Variants in FANCC observed in about 807,000 individuals in gnomAD.
FANCC encodes FA complementation group C.
In FANCC, 55 loss-of-function variants were observed where a neutral mutation model predicts 71.3. That is an observed-to-expected ratio of 0.77 (90% CI 0.62 to 0.97). The LOEUF is 0.97. Among genes scored for constraint, FANCC ranks in the 50% least tolerant of loss-of-function variants. FANCC has a pLI of 0.00. For missense variants in FANCC, 678 were observed against 670.9 expected (o/e 1.01, Z -0.12); for synonymous variants, 275 against 244.9 (o/e 1.12, Z -1.15).
chr9:95,317,352 G>T (rs1490044621), intron 1 of FANCC, 174 bp downstream of exon 1: 1 of 144,142 alleles, frequency 6.9e-6, no homozygotes, highest in Non-Finnish European at 1.5e-5. Flanking sequence ...CTTAGCCACA[G>T]CCCTGCGCCG....
At chr9:95,163,038 T>C (rs747884304) in intron 6 of FANCC, among the ~76,000 whole-genome samples, 3 of 152,226 alleles carry the variant, frequency 2.0e-5, no homozygotes, top group Admixed American at 2.0e-4. Flanking sequence ...CGAAGTCCAA[T>C]GCCATGACAC....
chr9:95,292,433 C>A, intron 1 of FANCC: 8 of 1,130,458 alleles, frequency 7.1e-6, no homozygotes, highest in Non-Finnish European at 8.7e-6. Context: ...CCTCCGCCGC[C>A]GCCTCGGGCC....
intron 1 of FANCC, among the ~76,000 whole-genome samples, chr9:95,280,238 T>C (rs543182718): frequency 6.6e-6 from 1 of 152,176 alleles, no homozygotes; most frequent in South Asian, 2.1e-4. Context: ...CAGGAAGATA[T>C]AACCATTATA....
chr9:95,099,771 G>T lies in FANCC; in HGVS notation c.*1936C>A, dbSNP rs1472711606. Reference sequence around the variant, plus strand: ...ACCGCACCCGTGAGAGGACTCGGCAGCTGTGAAGGAACTGGGAGATTCTGC... The same window carrying T: ...ACCGCACCCGTGAGAGGACTCGGCATCTGTGAAGGAACTGGGAGATTCTGC... On this transcript the variant is annotated 3_prime_UTR_variant, in exon 15 of 15. Transcript: ENST00000289081. 8.6e-6 allele frequency: 2 copies of T among 232,384 alleles called. No individual in the cohort carries two copies. The highest frequency in any genetic ancestry group is 4.4e-5 in the African/African-American group (2 of 45,314). The allele number at this position is 232,384 out of a possible 1,614,324, so 14.4% of individuals were successfully genotyped here. A position where few individuals can be genotyped will look rare whatever the true frequency, so the allele number is the denominator to read the frequency against.
chr9:95,312,780 G>A (rs1835488029), intron 1 of FANCC, among the ~76,000 whole-genome samples: 1 of 152,190 alleles, frequency 6.6e-6, no homozygotes, highest in Non-Finnish European at 1.5e-5. Flanking sequence ...GCTGAGGTGG[G>A]TGCCCTAAGG....
chr9:95,189,557 A>G (rs1826954669), intron 4 of FANCC, among the ~76,000 whole-genome samples: 1 of 152,182 alleles, frequency 6.6e-6, no homozygotes, highest in South Asian at 2.1e-4. Flanking sequence ...GGCTTCCCAA[A>G]AACCAAAACC....
In FANCC at chr9:95,297,381, G is replaced by A. The variant is rs1210936695; in HGVS notation, c.-79+20145C>T. ...ATTTTTTATCCCTCTGCTGGTGACT[G>A]GCCCACCTACATAGCATCTTCCCTC... On this transcript the variant is annotated intron_variant, in intron 1 of 14. Transcript: ENST00000289081. Among the ~76,000 whole-genome samples the A allele has an allele frequency of 1.3e-5, 2 of 152,120 alleles. 1 individual carries two copies. Among genetic ancestry groups the A allele is most frequent in the East Asian group, 3.8e-4 (2 of 5,196 alleles).
At chr9:95,199,879 T>TA (rs1256890250) in intron 4 of FANCC, among the ~76,000 whole-genome samples, 1 of 152,096 alleles carries the variant, frequency 6.6e-6, no homozygotes, top group African/African-American at 2.4e-5. Context: ...ATTTATTAGA[T>TA]AAAAAAAATT....
intron 10 of FANCC, chr9:95,123,630 A>C (rs762896735): frequency 6.6e-6 from 4 of 609,738 alleles, no homozygotes; most frequent in Non-Finnish European, 1.3e-5. Flanking sequence ...AAGGCTATTA[A>C]CAAATTCATC....
chr9:95,183,409 C>G (rs1227103776), intron 4 of FANCC, among the ~76,000 whole-genome samples: 1 of 152,224 alleles, frequency 6.6e-6, no homozygotes, highest in Non-Finnish European at 1.5e-5. Context: ...ACACAATAGT[C>G]ATTCAATAAA....
intron 9 of FANCC, among the ~76,000 whole-genome samples, chr9:95,126,323 C>T (rs1204582512): frequency 6.6e-6 from 1 of 152,154 alleles, no homozygotes; most frequent in Admixed American, 6.5e-5. Context: ...ATAAAGTTAT[C>T]TTAATTCTTA....
At chr9:95,217,398 T>C (rs1175941783) in intron 4 of FANCC, among the ~76,000 whole-genome samples, 1 of 151,442 alleles carries the variant, frequency 6.6e-6, no homozygotes, top group East Asian at 1.9e-4. Flanking sequence ...GGCAGGAGAA[T>C]GGCATGAACC....
intron 6 of FANCC, among the ~76,000 whole-genome samples, chr9:95,152,706 G>A (rs1830246769): frequency 6.6e-6 from 1 of 152,034 alleles, no homozygotes; most frequent in Non-Finnish European, 1.5e-5. Context: ...ATTGTATAGT[G>A]GTAAATTCTG....
intron 10 of FANCC, among the ~76,000 whole-genome samples, chr9:95,119,819 C>T (rs2072727607): frequency 6.6e-6 from 1 of 152,152 alleles, no homozygotes; most frequent in South Asian, 2.1e-4. Flanking sequence ...TCAAGTGATC[C>T]TCCCACCTCA....
intron 1 of FANCC, among the ~76,000 whole-genome samples, chr9:95,270,919 T>C (rs1024072576): frequency 1.3e-5 from 2 of 152,170 alleles, no homozygotes; most frequent in Non-Finnish European, 2.9e-5. Context: ...TTAGGTGTAG[T>C]GGAGAGGAGC....
At chr9:95,106,903 G>A (rs1298854504) in intron 14 of FANCC, among the ~76,000 whole-genome samples, 163 bp downstream of exon 14, 1 of 152,208 alleles carries the variant, frequency 6.6e-6, no homozygotes, top group Non-Finnish European at 1.5e-5. Context: ...GGAAGGGGCA[G>A]GCTCTGGGGT....
intron 4 of FANCC, among the ~76,000 whole-genome samples, chr9:95,175,823 G>A (rs145658485): frequency 2.0e-5 from 3 of 152,352 alleles, no homozygotes; most frequent in African/African-American, 4.8e-5. Context: ...GGGAAAGCCC[G>A]GCCAGGTCTG....
chr9:95,116,084 C>A (rs1435583757), intron 11 of FANCC, among the ~76,000 whole-genome samples: 1 of 152,258 alleles, frequency 6.6e-6, no homozygotes, highest in African/African-American at 2.4e-5. Flanking sequence ...CATAAATCTA[C>A]AAGTTACACA....
At chr9:95,158,977 C>T (rs1830594391) in intron 6 of FANCC, among the ~76,000 whole-genome samples, 1 of 152,016 alleles carries the variant, frequency 6.6e-6, no homozygotes, top group Non-Finnish European at 1.5e-5. Context: ...CACGGATGTC[C>T]TAGCATTCAT....
Sources: gnomAD v4.1 joint callset for allele counts (sites outside exome capture counted in the v4.1 genomes callset) on GRCh38, gnomAD v4.1.1 for gene constraint, MANE v1.5 for transcripts, NCBI Gene and HGNC (gene_info 2026-07-23, HGNC 2026-07-21) for gene names.